Variants in RALA observed in about 807,000 individuals in gnomAD.
RALA encodes RAS like proto-oncogene A, also known as ras-related protein Ral-A.
RALA carries 5 observed loss-of-function variants against 24.0 expected under a neutral mutation model. That is an observed-to-expected ratio of 0.21 (90% CI 0.11 to 0.44). The LOEUF (loss-of-function observed/expected upper bound fraction) is 0.44, where lower values mean the gene tolerates loss of function less well. RALA is among the 20% of genes least tolerant of loss of function. The pLI is 0.99. For missense variants in RALA, 95 were observed against 241.2 expected (o/e 0.39, Z 4.01); for synonymous variants, 77 against 83.8 (o/e 0.92, Z 0.44).
chr7:39,653,363 G>A (rs1281641850), intron 1 of RALA, among the ~76,000 whole-genome samples: 1 of 152,024 alleles, frequency 6.6e-6, no homozygotes, highest in Non-Finnish European at 1.5e-5. Context: ...GTCTTGCTCT[G>A]TCACCCAGGC....
At chr7:39,648,800 C>A (rs1791971791) in intron 1 of RALA, among the ~76,000 whole-genome samples, 1 of 152,180 alleles carries the variant, frequency 6.6e-6, no homozygotes, top group Non-Finnish European at 1.5e-5. Context: ...TGGCTCACCC[C>A]TGTAATCCCA....
At chr7:39,657,665 T>C (rs1223271533) in intron 1 of RALA, among the ~76,000 whole-genome samples, 1 of 152,006 alleles carries the variant, frequency 6.6e-6, no homozygotes, top group Non-Finnish European at 1.5e-5. Flanking sequence ...CTGACACCTG[T>C]AATCCCAGCA....
intron 1 of RALA, among the ~76,000 whole-genome samples, chr7:39,676,559 A>T (rs1278646857): frequency 6.6e-6 from 1 of 152,206 alleles, no homozygotes; most frequent in East Asian, 1.9e-4. Context: ...GGGTCATATC[A>T]TCACTAAAAA....
chr7:39,707,796 A>C lies in RALA; in HGVS notation c.*1551A>C, dbSNP rs1793145628. 6.6e-6 allele frequency: 1 copy of C among 152,586 alleles called. No individual in the cohort carries two copies. Among genetic ancestry groups the C allele is most frequent in the African/African-American group, 2.4e-5 (1 of 41,410 alleles). The allele number at this position is 152,586 out of a possible 1,614,324, so 9.5% of individuals were successfully genotyped here. ...TATTTACATCCAGCTTCTCATGTTAAATATTTGTCCTTAAAGGGTTTGAGA... is the reference window on the plus strand; with the variant it reads ...TATTTACATCCAGCTTCTCATGTTACATATTTGTCCTTAAAGGGTTTGAGA... On this transcript the variant is annotated 3_prime_UTR_variant, in exon 5 of 5. Coordinates refer to ENST00000005257, the MANE Select transcript of RALA (RefSeq NM_005402.4).
At chr7:39,644,787 C>T (rs979144875) in intron 1 of RALA, among the ~76,000 whole-genome samples, 1 of 152,052 alleles carries the variant, frequency 6.6e-6, no homozygotes, top group African/African-American at 2.4e-5. Flanking sequence ...AATATATAGT[C>T]CAGAATATTT....
At chr7:39,626,430 T>A (rs1791488990) in intron 1 of RALA, among the ~76,000 whole-genome samples, 1 of 152,346 alleles carries the variant, frequency 6.6e-6, no homozygotes, top group South Asian at 2.1e-4. Context: ...TAATCCTAAA[T>A]GGCTGTGGAA....
chr7:39,654,847 C>G (rs1296461076), intron 1 of RALA, among the ~76,000 whole-genome samples: 1 of 151,978 alleles, frequency 6.6e-6, no homozygotes. Context: ...CTTTCCCAGG[C>G]CCAAGCAGTT....
intron 1 of RALA, among the ~76,000 whole-genome samples, chr7:39,677,902 TG>T (rs1792517158): frequency 7.1e-6 from 1 of 141,320 alleles, no homozygotes; most frequent in Non-Finnish European, 1.5e-5. Context: ...TGGGGTTGTT[TG>T]TTTTTTTCTT....
At chr7:39,705,791 A>G (rs533938237) in intron 4 of RALA, among the ~76,000 whole-genome samples, 3 of 151,892 alleles carry the variant, frequency 2.0e-5, no homozygotes, top group African/African-American at 7.2e-5. Flanking sequence ...AAACTACTTA[A>G]ATATAATCCA....
chr7:39,627,493 A>G (rs1291609620), intron 1 of RALA, among the ~76,000 whole-genome samples: 2 of 152,230 alleles, frequency 1.3e-5, no homozygotes, highest in East Asian at 1.9e-4. Flanking sequence ...TGCTGAATTT[A>G]CTTTTGAAAC....
At chr7:39,700,105 G>A (rs1023671903) in intron 4 of RALA, among the ~76,000 whole-genome samples, 4 of 152,082 alleles carry the variant, frequency 2.6e-5, no homozygotes, top group Non-Finnish European at 5.9e-5. Context: ...ACTGAGGTAC[G>A]ACTATGTTAC....
Position 39,671,470 on chromosome 7 carries a change from T to A in RALA, c.-37-15161T>A, listed in dbSNP as rs1792386257. Reference sequence around the variant, plus strand: ...ACTGAGTATATGTGGCATATAAAGTTAGGGTCTTCTAAAAAGACGCCTGAA... The same window carrying A: ...ACTGAGTATATGTGGCATATAAAGTAAGGGTCTTCTAAAAAGACGCCTGAA... On this transcript the variant is annotated intron_variant, in intron 1 of 4. Coordinates refer to ENST00000005257, the MANE Select transcript of RALA (RefSeq NM_005402.4). Among the ~76,000 whole-genome samples the A allele has an allele frequency of 3.3e-5, 5 of 152,326 alleles. No individual in the cohort carries two copies. The South Asian group carries it at 1.0e-3, about 32-fold the overall frequency.
intron 1 of RALA, among the ~76,000 whole-genome samples, chr7:39,657,970 C>T (rs1376711860): frequency 6.6e-6 from 1 of 152,162 alleles, no homozygotes; most frequent in Non-Finnish European, 1.5e-5. Context: ...ACCCACTAAG[C>T]CCCTTAAAGA....
At chr7:39,687,365 T>C (rs1242717134) in intron 2 of RALA, among the ~76,000 whole-genome samples, 4 of 151,552 alleles carry the variant, frequency 2.6e-5, no homozygotes, top group African/African-American at 9.7e-5. Flanking sequence ...AGGCGGAGCT[T>C]GCAGTGAGCC....
intron 1 of RALA, among the ~76,000 whole-genome samples, chr7:39,646,564 G>T (rs1034213769): frequency 5.9e-5 from 9 of 151,972 alleles, no homozygotes; most frequent in Admixed American, 6.5e-5. Context: ...AGAGGTCAAG[G>T]CTCTAGTGAG....
intron 1 of RALA, among the ~76,000 whole-genome samples, chr7:39,669,584 A>T (rs1792344746): frequency 6.6e-6 from 1 of 152,056 alleles, no homozygotes; most frequent in African/African-American, 2.4e-5. Flanking sequence ...AGCCAAGGTG[A>T]GAAGTTCACT....
chr7:39,672,002 AAAT>A (rs200858186), intron 1 of RALA, among the ~76,000 whole-genome samples: 1,697 of 152,274 alleles, frequency 0.011, 21 homozygotes, highest in African/African-American at 0.036. Context: ...ATTATTAACT[AAAT>A]AATAAGGCTT....
chr7:39,704,450 T>A (rs1362248681), intron 4 of RALA, among the ~76,000 whole-genome samples: 1 of 151,486 alleles, frequency 6.6e-6, no homozygotes, highest in African/African-American at 2.4e-5. Flanking sequence ...CTCGAGTAGC[T>A]GGGATTACAG....
chr7:39,685,720 G>A (rs1355041613), intron 1 of RALA, among the ~76,000 whole-genome samples: 2 of 151,764 alleles, frequency 1.3e-5, no homozygotes, highest in Non-Finnish European at 2.9e-5. Flanking sequence ...AGAAACAGAT[G>A]TTCCAGTAAT....
Sources: allele counts gnomAD v4.1 joint callset (sites outside exome capture counted in the v4.1 genomes callset), GRCh38; gene constraint gnomAD v4.1.1; transcripts MANE v1.5; gene names NCBI Gene and HGNC (gene_info 2026-07-23, HGNC 2026-07-21).